Variants in ZNF736 observed in about 807,000 individuals in gnomAD.
The protein encoded by ZNF736 is KRAB-containing zinc-finger repressor protein.
In ZNF736, 6 loss-of-function variants were observed where a neutral mutation model predicts 11.7. The observed-to-expected ratio is 0.51, with a 90% CI of 0.28 to 1.01. The LOEUF (loss-of-function observed/expected upper bound fraction) is 1.01. Ranked by LOEUF, ZNF736 falls within the 50% of genes least tolerant of loss-of-function variation. The pLI, the probability that ZNF736 is intolerant of heterozygous loss-of-function variation, is 0.09. For synonymous variants in ZNF736, 139 were observed against 164.7 expected, an observed-to-expected ratio of 0.84 and a Z score of 1.19; for missense variants, 444 against 496.0, an observed-to-expected ratio of 0.90 and a Z score of 1.00.
chr7:64,319,488 C>CTTTTTTTTTTTTTTTTTTTTTTTTTT lies in ZNF736; in HGVS notation c.3+5335_3+5336insTTTTTTTTTTTTTTTTTTTTTTTTTT, dbSNP rs1408764142. ...CCAGGTAAATAGAAAACATTTCTTC[C>CTTTTTTTTTTTTTTTTTTTTTTTTTT]CTTTTTTTTTTTTTTTTTTTTTTTT... On this transcript the variant is annotated intron_variant, in intron 1 of 3. Transcript: ENST00000423484. Among the ~76,000 whole-genome samples the CTTTTTTTTTTTTTTTTTTTTTTTTTT allele has an allele frequency of 5.3e-5, 4 of 75,248 alleles. 2 individuals carry two copies. The highest frequency in any genetic ancestry group is 4.8e-5 in the Non-Finnish European group (2 of 41,256). 49.4% of individuals were successfully genotyped at this position (75,248 alleles called of 152,430 possible). A position where few individuals can be genotyped will look rare whatever the true frequency, so the allele number is the denominator to read the frequency against.
chr7:64,326,105 TA>T (rs560272333), intron 1 of ZNF736, among the ~76,000 whole-genome samples: 144 of 149,470 alleles, frequency 9.6e-4, no homozygotes, highest in South Asian at 7.4e-3. Flanking sequence ...TTTAATTATG[TA>T]AAAAAAAAAA....
intron 3 of ZNF736, among the ~76,000 whole-genome samples, chr7:64,340,634 C>T (rs140524933): frequency 3.2e-4 from 48 of 152,188 alleles, no homozygotes; most frequent in African/African-American, 1.0e-3. Flanking sequence ...CTCAAACTCC[C>T]GGCCTAAAAT....
intron 1 of ZNF736, 129 bp downstream of exon 1, chr7:64,314,282 C>A: frequency 8.2e-7 from 1 of 1,213,834 alleles, no homozygotes; most frequent in Non-Finnish European, 1.1e-6. Context: ...TCCCCGCGGG[C>A]ACAGCTCAAT....
chr7:64,315,059 C>A (rs1292782595), intron 1 of ZNF736, among the ~76,000 whole-genome samples: 1 of 152,160 alleles, frequency 6.6e-6, no homozygotes, highest in Non-Finnish European at 1.5e-5. Flanking sequence ...CCCTGAAGTT[C>A]ATCATTTAGA....
chr7:64,317,173 A>G (rs955626305), intron 1 of ZNF736, among the ~76,000 whole-genome samples: 1 of 152,248 alleles, frequency 6.6e-6, no homozygotes, highest in African/African-American at 2.4e-5. Context: ...ATCTTTGCTC[A>G]GGTAATATAT....
intron 1 of ZNF736, among the ~76,000 whole-genome samples, chr7:64,335,607 T>C (rs1789236671): frequency 1.3e-5 from 2 of 152,254 alleles, no homozygotes; most frequent in South Asian, 2.1e-4. Context: ...TATCAAGTGA[T>C]GTGCAAAAAC....
At position 64,352,559 on chromosome 7, in the gene ZNF736, C is replaced by T. The variant is rs968509259; in HGVS notation, c.*3412C>T. 2 of 153,996 alleles carry T rather than the reference C, an allele frequency of 1.3e-5. No individual in the cohort carries two copies. Among genetic ancestry groups the T allele is most frequent in the African/African-American group, 4.8e-5 (2 of 41,460 alleles). The allele number at this position is 153,996 out of a possible 1,614,324, so 9.5% of individuals were successfully genotyped here. A position where few individuals can be genotyped will look rare whatever the true frequency, so the allele number is the denominator to read the frequency against. On this transcript the variant is annotated 3_prime_UTR_variant, in exon 4 of 4. Coordinates refer to ENST00000423484, the MANE Select transcript of ZNF736 (RefSeq NM_001170905.3). ...CAAAAATGGCAGCTCACTCCTCCCT[C>T]TAGGAACTGTATCCCAAAGAGGTTT... is the stretch of plus-strand genomic sequence containing the variant.
chr7:64,356,608 T>G lies in ZNF736; in HGVS notation c.*7461T>G, dbSNP rs1789556590. ...TACTTATTTAAGAAATCTAATTACA[T>G]TTTAAATAAATTGCTGTTACCTGTT... On this transcript the variant is annotated 3_prime_UTR_variant, in exon 4 of 4. Coordinates refer to ENST00000423484, the MANE Select transcript of ZNF736 (RefSeq NM_001170905.3). Among the ~76,000 whole-genome samples, 1 of 152,154 alleles carries G rather than the reference T, an allele frequency of 6.6e-6. No individual in the cohort carries two copies. The highest frequency in any genetic ancestry group is 1.5e-5 in the Non-Finnish European group (1 of 68,028).
At chr7:64,337,238 T>G (rs1176073321) in intron 3 of ZNF736, 20 of 454,400 alleles carry the variant, frequency 4.4e-5, no homozygotes, top group African/African-American at 2.1e-5. Context: ...TTGTTTTTAG[T>G]TTACAGCAAT....
intron 1 of ZNF736, among the ~76,000 whole-genome samples, chr7:64,325,793 C>G (rs1789075205): frequency 6.6e-6 from 1 of 152,152 alleles, no homozygotes; most frequent in Admixed American, 6.5e-5. Flanking sequence ...ATGTCTTTCT[C>G]TAGGACCTGG....
intron 3 of ZNF736, among the ~76,000 whole-genome samples, chr7:64,337,859 A>C (rs1308971901): frequency 2.0e-5 from 3 of 150,380 alleles, no homozygotes; most frequent in African/African-American, 7.3e-5. Flanking sequence ...GGTTCAAGCG[A>C]TTCTTCTGCC....
At chr7:64,338,059 G>A (rs1474475123) in intron 3 of ZNF736, among the ~76,000 whole-genome samples, 1 of 152,068 alleles carries the variant, frequency 6.6e-6, no homozygotes, top group African/African-American at 2.4e-5. Context: ...CCAGTCTGCT[G>A]AGTACATATT....
rs1402074431 is a variant in ZNF736, at chr7:64,355,965, T to C, written c.*6818T>C. The stretch of plus-strand genomic sequence containing the variant: ...TTGATTTGGGGGCAATTGGATGATA[T>C]ATAGAGTGGTTATGCTGCATCAGGT... On this transcript the variant is annotated 3_prime_UTR_variant, in exon 4 of 4. Transcript: ENST00000423484. 5.3e-6 allele frequency: 1 copy of C among 188,140 alleles called. No homozygotes were observed. The highest frequency in any genetic ancestry group is 1.2e-5 in the Non-Finnish European group (1 of 84,888). 11.7% of individuals were successfully genotyped at this position (188,140 alleles called of 1,614,324 possible). A position where few individuals can be genotyped will look rare whatever the true frequency, so the allele number is the denominator to read the frequency against.
intron 3 of ZNF736, chr7:64,337,419 T>A (rs1214047273): frequency 6.1e-6 from 1 of 164,364 alleles, no homozygotes; most frequent in Non-Finnish European, 1.3e-5. Context: ...ACAGTTTGGA[T>A]CAGAAATCCC....
In ZNF736 at chr7:64,349,833, A is replaced by G. The variant is rs1242578791; in HGVS notation, c.*686A>G. On this transcript the variant is annotated 3_prime_UTR_variant, in exon 4 of 4. Transcript: ENST00000423484. Reference sequence around the variant, plus strand: ...CTTCTGAAGCTTACCTTGGTCAGATATGAAATTCTGTGTTGGAATTCTTTT... The same window carrying G: ...CTTCTGAAGCTTACCTTGGTCAGATGTGAAATTCTGTGTTGGAATTCTTTT... 2.0e-5 allele frequency: 3 copies of G among 152,294 alleles called. No individual in the cohort carries two copies. Among genetic ancestry groups the G allele is most frequent in the Non-Finnish European group, 2.9e-5 (2 of 68,096 alleles). The allele number at this position is 152,294 out of a possible 1,614,324, so 9.4% of individuals were successfully genotyped here. A position where few individuals can be genotyped will look rare whatever the true frequency, so the allele number is the denominator to read the frequency against.
At chr7:64,320,543 A>G (rs1309132636) in intron 1 of ZNF736, among the ~76,000 whole-genome samples, 1 of 152,152 alleles carries the variant, frequency 6.6e-6, no homozygotes, top group African/African-American at 2.4e-5. Flanking sequence ...CTCCAATTTG[A>G]TCTCAGCTAG....
intron 3 of ZNF736, among the ~76,000 whole-genome samples, chr7:64,344,940 T>G (rs1409098056): frequency 6.6e-6 from 1 of 151,464 alleles, no homozygotes; most frequent in Non-Finnish European, 1.5e-5. Context: ...TTGTCAGGCT[T>G]TTCATGTTAC....
At chr7:64,327,737 C>T (rs1162390442) in intron 1 of ZNF736, among the ~76,000 whole-genome samples, 1 of 152,084 alleles carries the variant, frequency 6.6e-6, no homozygotes, top group Non-Finnish European at 1.5e-5. Flanking sequence ...TACCATGAGG[C>T]TTGCAAATAA....
Position 64,348,136 on chromosome 7 carries a change from A to G in ZNF736, c.273A>G (p.Ile91Met). Residue 91 changes from isoleucine to methionine, a missense_variant, in exon 4 of 4, where the codon ATA becomes ATG. Physicochemically the swap from Ile to Met is conservative, Grantham distance 10. Coordinates refer to ENST00000423484, the MANE Select transcript of ZNF736 (RefSeq NM_001170905.3). ...CAGAGATATTGCCGGATCATGACAT[A>G]AAAGATTCATTTCAAAAAGTGATTC... Reference protein sequence around the residue: ...FTAEILPDHDIKDSFQKVILR... With the variant: ...FTAEILPDHDMKDSFQKVILR... 6.5e-7 allele frequency: 1 copy of G among 1,546,518 alleles called. No individual in the cohort carries two copies. Among genetic ancestry groups the G allele is most frequent in the Non-Finnish European group, 8.7e-7 (1 of 1,145,566 alleles).
Sources: allele counts gnomAD v4.1 joint callset (sites outside exome capture counted in the v4.1 genomes callset), GRCh38; gene constraint gnomAD v4.1.1; transcripts MANE v1.5; gene names NCBI Gene and HGNC (gene_info 2026-07-23, HGNC 2026-07-21).